The following MPO variants were observed in gnomAD, a reference collection of about 807,000 sequenced individuals.
The protein encoded by MPO is myeloperoxidase.
In MPO, 57 loss-of-function variants were observed where a neutral mutation model predicts 69.4. The ratio of observed to expected loss-of-function variants is 0.82; its 90% CI spans 0.66 to 1.02. MPO has a LOEUF of 1.02. Among genes scored for constraint, MPO ranks in the 50% least tolerant of loss-of-function variants. The probability of loss-of-function intolerance (pLI) is 0.00; values close to 1 mark genes in which losing one functional copy is unlikely to be tolerated. For missense variants in MPO, 971 were observed against 1,014.1 expected, an observed-to-expected ratio of 0.96 and a Z score of 0.58; for synonymous variants, 426 against 417.1, an observed-to-expected ratio of 1.02 and a Z score of -0.26.
chr17:58,279,686 A>G, intron 3 of MPO, 40 bp from the exon 4 acceptor site: 1 of 1,613,902 alleles, frequency 6.2e-7, no homozygotes, highest in South Asian at 1.1e-5. Context: ...GAGCCGCCTC[A>G]CTTCCTATCC....
At chr17:58,272,249 A>T (rs1970375123) in intron 10 of MPO, among the ~76,000 whole-genome samples, 2 of 152,150 alleles carry the variant, frequency 1.3e-5, no homozygotes, top group African/African-American at 4.8e-5. Flanking sequence ...TGAGAGGTGA[A>T]ATGTGTCTAG....
Position 58,270,621 on chromosome 17 carries a change from T to A in MPO, c.*35A>T. The A allele has an allele frequency of 6.4e-7, 1 of 1,556,158 alleles. No individual in the cohort carries two copies. The highest frequency in any genetic ancestry group is 8.8e-7 in the Non-Finnish European group (1 of 1,142,648). ...CGTGGTTCCAACTGGCCAGCCCAGA[T>A]ATACCCCTCACTGCTGCACCCCCTT... On this transcript the variant is annotated 3_prime_UTR_variant, in exon 12 of 12. Transcript: ENST00000225275. The surrounding 1 kb of genome is among the most constrained non-coding windows in gnomAD (Gnocchi z 4.1).
Position 58,277,673 on chromosome 17 carries a change from A to C in MPO, c.1204+154T>G, listed in dbSNP as rs111614725. 1.2e-4 allele frequency: 141 copies of C among 1,140,186 alleles called. No individual in the cohort carries two copies. In the African/African-American group the frequency reaches 1.6e-3, roughly 13 times the overall value. 70.6% of individuals were successfully genotyped at this position (1,140,186 alleles called of 1,614,324 possible). ...TTCTGGCTCCATCTGACTTGTTACC[A>C]AGGCAACTGGATTAATATCATGAAG... On this transcript the variant is annotated intron_variant, in intron 7 of 11. Transcript: ENST00000225275.
Position 58,280,772 on chromosome 17 carries a change from G to A in MPO, c.-14C>T. On this transcript the variant is annotated 5_prime_UTR_variant, in exon 1 of 12. Transcript: ENST00000225275. ...GGGAACCCCCATCTCTCTTCTCCTG[G>A]GCTGCTCAATCCCCCTTTGTACCTC... The A allele has an allele frequency of 6.2e-7, 1 of 1,613,946 alleles. No individual in the cohort carries two copies. Among genetic ancestry groups the A allele is most frequent in the South Asian group, 1.1e-5 (1 of 91,018 alleles).
At position 58,275,812 on chromosome 17, in the gene MPO, TCCTCC is replaced by T; in HGVS notation, c.1205-115_1205-111del. The stretch of plus-strand genomic sequence containing the variant: ...GCCTGAAATGCCTCCTACTCACCCC[TCCTCC>T]CCATCCATCTTTTCAAACTATCCCC... On this transcript the variant is annotated intron_variant, in intron 7 of 11. Transcript: ENST00000225275. This position sits in a 1 kb window ranked among gnomAD's most constrained non-coding sequence, Gnocchi z 4.1. The T allele has an allele frequency of 7.8e-7, 1 of 1,279,802 alleles. No individual in the cohort carries two copies. Among genetic ancestry groups the T allele is most frequent in the Non-Finnish European group, 1.1e-6 (1 of 903,756 alleles). 79.3% of individuals were successfully genotyped at this position (1,279,802 alleles called of 1,614,324 possible). A position where few individuals can be genotyped will look rare whatever the true frequency, so the allele number is the denominator to read the frequency against.
chr17:58,271,767 T>C lies in MPO; in HGVS notation c.1918A>G (p.Ile640Val), dbSNP rs143204664. Residue 640 changes from isoleucine (I) to valine (V), a missense_variant, in exon 11 of 12, where the codon ATC (isoleucine) becomes GTC (valine). Ile to Val is a conservative substitution (Grantham distance 29). Transcript: ENST00000225275. ...LMEQYGTPNN[I>V]DIWMGGVSEP... ...GACACGCCGCCCATCCAGATGTCGATGTTGTTGGGCGTGCCATACTGCTCC... is the reference window on the plus strand; with the variant it reads ...GACACGCCGCCCATCCAGATGTCGACGTTGTTGGGCGTGCCATACTGCTCC... 361 of 1,613,970 alleles carry C rather than the reference T, an allele frequency of 2.2e-4. 3 individuals are homozygous for C. Among genetic ancestry groups the C allele is most frequent in the Admixed American group, 1.2e-3 (73 of 60,010 alleles).
At chr17:58,274,379 TGTGTGA>T (rs1191010050) in intron 8 of MPO, among the ~76,000 whole-genome samples, 8 of 150,852 alleles carry the variant, frequency 5.3e-5, no homozygotes, top group African/African-American at 1.5e-4. Context: ...TGTGTGTGTG[TGTGTGA>T]GTGTGTGTAT....
rs1970429379 is a variant in MPO at position 58,275,798 on chromosome 17, C to T, written c.1205-96G>A. 3 of 1,415,596 alleles carry T rather than the reference C, an allele frequency of 2.1e-6. No homozygotes were observed. Among genetic ancestry groups the T allele is most frequent in the African/African-American group, 1.4e-5 (1 of 70,532 alleles). 87.7% of individuals were successfully genotyped at this position (1,415,596 alleles called of 1,614,324 possible). A position where few individuals can be genotyped will look rare whatever the true frequency, so the allele number is the denominator to read the frequency against. On this transcript the variant is annotated intron_variant, in intron 7 of 11. Transcript: ENST00000225275. This position sits in a 1 kb window ranked among gnomAD's most constrained non-coding sequence, Gnocchi z 4.1. ...CCTCCCCAGCCAAGGCCTGAAATGC[C>T]TCCTACTCACCCCTCCTCCCCATCC...
chr17:58,278,031 T>A lies in MPO; in HGVS notation c.1000A>T (p.Thr334Ser), dbSNP rs1472022114. 1.2e-6 allele frequency: 2 copies of A among 1,613,614 alleles called. No homozygotes were observed. The highest frequency in any genetic ancestry group is 1.7e-6 in the Non-Finnish European group (2 of 1,180,018). The change falls in exon 7 of 12, where the codon ACT (threonine) becomes TCT (serine). Residue 334 changes from threonine (T) to serine (S), a missense_variant. Transcript: ENST00000225275. ...ITIRNQINAL[T>S]SFVDASMVYG... Reference sequence around the variant, plus strand: ...ACCATGCTGGCGTCCACGAAGGAAGTGAGCGCGTTGATCTGGTTGCGGATG... The same window carrying A: ...ACCATGCTGGCGTCCACGAAGGAAGAGAGCGCGTTGATCTGGTTGCGGATG...
In MPO at chr17:58,271,786, C is replaced by A; in HGVS notation, c.1899G>T (p.Gln633His). 1 of 1,614,184 alleles carries A rather than the reference C, an allele frequency of 6.2e-7. No individual in the cohort carries two copies. The highest frequency in any genetic ancestry group is 8.5e-7 in the Non-Finnish European group (1 of 1,180,040). The part of the protein sequence containing the change: ...NLKLARKLME[Q>H]YGTPNNIDIW... ...TGTCGATGTTGTTGGGCGTGCCATA[C>A]TGCTCCATCAGTTTCCTCGCCAATT... Residue 633 changes from glutamine (Q) to histidine (H), a missense_variant, in exon 11 of 12, where the codon CAG becomes CAT. Gln to His is a conservative substitution (Grantham distance 24). Transcript: ENST00000225275.
rs1970346338 is a variant in MPO at position 58,269,916 on chromosome 17, G to C, written c.*740C>G. ...ACATTGGGAGCAAATAAATGGTACA[G>C]AAAGGGCAACAGGCCCAGTTCCTCT... On this transcript the variant is annotated 3_prime_UTR_variant, in exon 12 of 12. Coordinates refer to ENST00000225275, the MANE Select transcript of MPO (RefSeq NM_000250.2). The C allele has an allele frequency of 6.5e-6, 1 of 153,720 alleles. No homozygotes were observed. The highest frequency in any genetic ancestry group is 2.4e-5 in the African/African-American group (1 of 41,474). The allele number at this position is 153,720 out of a possible 1,614,324, so 9.5% of individuals were successfully genotyped here.
At position 58,273,596 on chromosome 17, in the gene MPO, C is replaced by T. The variant is rs762653317; in HGVS notation, c.1439G>A (p.Arg480His). ...TGGGTCCACTGAGTCATTGTAGGAA[C>T]GGTACGTGGGCAGGTACTTCCTCAT... ...TAMRKYLPTY[R>H]SYNDSVDPRI... The change falls in exon 9 of 12, where the codon CGT becomes CAT. Residue 480 changes from arginine to histidine, a missense_variant. Arg to His is a conservative substitution (Grantham distance 29). Transcript: ENST00000225275. The T allele has an allele frequency of 1.5e-5, 25 of 1,614,098 alleles. No homozygotes were observed. Among genetic ancestry groups the T allele is most frequent in the Middle Eastern group, 1.6e-4 (1 of 6,084 alleles).
rs72552305 is a variant in MPO at position 58,280,534 on chromosome 17, C to T, written c.154+71G>A. ...CAGGCCCCAGAGCTAGGAAGGCCTG[C>T]TCTGAGAAAAGGGGTCTCTGGAACA... is the stretch of plus-strand genomic sequence containing the variant. On this transcript the variant is annotated intron_variant, in intron 1 of 11. Coordinates refer to ENST00000225275, the MANE Select transcript of MPO (RefSeq NM_000250.2). 12 of 1,613,948 alleles carry T rather than the reference C, an allele frequency of 7.4e-6. No individual in the cohort carries two copies. The East Asian group carries it at 1.3e-4, about 18-fold the overall frequency.
rs1204470051 is a variant in MPO at position 58,280,752 on chromosome 17, C to T, written c.7G>A (p.Val3Ile). MG[V>I]PFFSSLRCMV... ...CATCTGAGAGAAGAGAAGAAGGGAA[C>T]CCCCATCTCTCTTCTCCTGGGCTGC... The change falls in exon 1 of 12, where the codon GTT (valine) becomes ATT (isoleucine). Residue 3 changes from valine to isoleucine, a missense_variant. By Grantham distance (29) the Val-to-Ile change is conservative. Transcript: ENST00000225275. 4 of 1,614,188 alleles carry T rather than the reference C, an allele frequency of 2.5e-6. No individual in the cohort carries two copies. The highest frequency in any genetic ancestry group is 1.1e-5 in the South Asian group (1 of 91,086).
chr17:58,280,762 T>A lies in MPO; in HGVS notation c.-4A>T, dbSNP rs1252015954. On this transcript the variant is annotated 5_prime_UTR_variant, in exon 1 of 12. Transcript: ENST00000225275. ...AAGAGAAGAAGGGAACCCCCATCTC[T>A]CTTCTCCTGGGCTGCTCAATCCCCC... 1 of 1,614,128 alleles carries A rather than the reference T, an allele frequency of 6.2e-7. No individual in the cohort carries two copies. The highest frequency in any genetic ancestry group is 1.1e-5 in the South Asian group (1 of 91,060).
chr17:58,272,945 G>A, intron 9 of MPO, 27 bp from the exon 10 acceptor site: 1 of 1,613,144 alleles, frequency 6.2e-7, no homozygotes, highest in Non-Finnish European at 8.5e-7. Context: ...CCAGGTCAGG[G>A]GAAGTATCTG....
At chr17:58,277,680 C>A in intron 7 of MPO, 147 bp downstream of exon 7, 1 of 1,183,310 alleles carries the variant, frequency 8.5e-7, no homozygotes, top group Non-Finnish European at 1.2e-6. Flanking sequence ...ACCAAGGCAA[C>A]TGGATTAATA....
intron 7 of MPO, among the ~76,000 whole-genome samples, chr17:58,276,398 G>C (rs1382065904): frequency 3.3e-5 from 5 of 152,182 alleles, no homozygotes; most frequent in African/African-American, 9.7e-5. Context: ...ACCTGAGACT[G>C]TTCAAGAAAA....
chr17:58,275,420 T>C lies in MPO; in HGVS notation c.1365+122A>G. 7.9e-7 allele frequency: 1 copy of C among 1,262,302 alleles called. No individual in the cohort carries two copies. The allele number at this position is 1,262,302 out of a possible 1,614,324, so 78.2% of individuals were successfully genotyped here. ...GTTTTCATATATGTATTATAATCCT[T>C]ACAGCCTCATGGATGAAGAAGGCAA... On this transcript the variant is annotated intron_variant, in intron 8 of 11. Transcript: ENST00000225275. The surrounding 1 kb of genome is among the most constrained non-coding windows in gnomAD (Gnocchi z 4.1).
Sources: gnomAD v4.1 joint callset for allele counts (sites outside exome capture counted in the v4.1 genomes callset) on GRCh38, gnomAD v4.1.1 for gene constraint, Gnocchi (gnomAD v3.1) non-coding constraint, MANE v1.5 for transcripts, NCBI Gene and HGNC (gene_info 2026-07-23, HGNC 2026-07-21) for gene names.